Variants in SLC30A2 observed in about 807,000 individuals in gnomAD.
The protein encoded by SLC30A2 is solute carrier family 30 member 2, also known as proton-coupled zinc antiporter SLC30A2.
Under a neutral mutation model 39.6 loss-of-function variants are expected in SLC30A2, and 19 were observed. That is an observed-to-expected ratio of 0.48 (90% CI 0.34 to 0.70). The LOEUF (loss-of-function observed/expected upper bound fraction) is 0.70. SLC30A2 is among the 30% of genes least tolerant of loss of function. SLC30A2 has a pLI of 0.01. For missense variants in SLC30A2, 387 were observed against 479.4 expected (o/e 0.81, Z 1.80); for synonymous variants, 195 against 194.8 (o/e 1.00, Z -0.01).
rs2050358590 is a variant in SLC30A2 at position 26,038,090 on chromosome 1, G to C, written c.*1070C>G. 6.6e-6 allele frequency: 1 copy of C among 152,266 alleles called. No individual in the cohort carries two copies. Among genetic ancestry groups the C allele is most frequent in the Non-Finnish European group, 1.5e-5 (1 of 68,064 alleles). The allele number at this position is 152,266 out of a possible 1,614,324, so 9.4% of individuals were successfully genotyped here. On this transcript the variant is annotated 3_prime_UTR_variant, in exon 8 of 8. Transcript: ENST00000374276. ...ATCAACCCTGTCGGTGTACAGATGA[G>C]ACTGTGGGGCAGAGGCCAGCTCGCC...
At chr1:26,040,504 C>G (rs1404878352) in intron 6 of SLC30A2, among the ~76,000 whole-genome samples, 1 of 152,140 alleles carries the variant, frequency 6.6e-6, no homozygotes, top group African/African-American at 2.4e-5. Flanking sequence ...CTGCCTCGGC[C>G]TCCCACAGTG....
At chr1:26,040,622 C>T (rs982722830) in intron 6 of SLC30A2, among the ~76,000 whole-genome samples, 3 of 152,166 alleles carry the variant, frequency 2.0e-5, no homozygotes, top group Admixed American at 6.5e-5. Context: ...AGGGCACGAT[C>T]ATCATCTTCA....
At position 26,045,219 on chromosome 1, in the gene SLC30A2, T is replaced by C; in HGVS notation, c.51-2A>G. 1.2e-6 allele frequency: 2 copies of C among 1,607,200 alleles called. No homozygotes were observed. The highest frequency in any genetic ancestry group is 1.3e-5 in the African/African-American group (1 of 74,910). On this transcript the variant is annotated splice_acceptor_variant, in intron 1 of 7. Coordinates refer to ENST00000374276, the MANE Select transcript of SLC30A2 (RefSeq NM_001004434.3). LOFTEE classifies it high-confidence loss of function. ...TGCCACAGAGATCCCGTGTATGACC[T>C]GGCCAGAGGGGAAGAGAGGGAACGC...
At position 26,043,471 on chromosome 1, in the gene SLC30A2, T is replaced by G. The variant is rs1311616723; in HGVS notation, c.499A>C (p.Ile167Leu). The stretch of plus-strand genomic sequence containing the variant: ...CCGTCAATTTCATAGTCCCCAGAGA[T>G]CAGCCGCTCCACAGCCAGGTACACC... Reference protein sequence around the residue: ...VLVYLAVERLISGDYEIDGGT... With the variant: ...VLVYLAVERLLSGDYEIDGGT... The change falls in exon 4 of 8, where the codon ATC becomes CTC. Residue 167 changes from isoleucine to leucine, a missense_variant. Ile to Leu is a conservative substitution (Grantham distance 5, BLOSUM62 2). Transcript: ENST00000374276. 2.4e-5 allele frequency: 39 copies of G among 1,613,864 alleles called. No individual in the cohort carries two copies. The highest frequency in any genetic ancestry group is 3.2e-5 in the Non-Finnish European group (38 of 1,180,014).
chr1:26,045,407 C>T (rs769968142), intron 1 of SLC30A2, 190 bp from the exon 2 acceptor site: 145 of 615,698 alleles, frequency 2.4e-4, no homozygotes, highest in Non-Finnish European at 3.7e-4. Context: ...TCCTGGGGCC[C>T]GGGGCCCTTC....
Position 26,039,025 on chromosome 1 carries a change from G to A in SLC30A2, c.*135C>T. On this transcript the variant is annotated 3_prime_UTR_variant, in exon 8 of 8. Coordinates refer to ENST00000374276, the MANE Select transcript of SLC30A2 (RefSeq NM_001004434.3). The surrounding 1 kb of genome is among the most constrained non-coding windows in gnomAD (Gnocchi z 4.3). Reference sequence around the variant, plus strand: ...GGCTGGGAAGAGCTCCATTCCTGGAGTGGGGCAGAGGTCAGGAGGGGGACC... The same window carrying A: ...GGCTGGGAAGAGCTCCATTCCTGGAATGGGGCAGAGGTCAGGAGGGGGACC... 5 of 1,435,578 alleles carry A rather than the reference G, an allele frequency of 3.5e-6. No homozygotes were observed. The highest frequency in any genetic ancestry group is 4.6e-6 in the Non-Finnish European group (5 of 1,092,086). The allele number at this position is 1,435,578 out of a possible 1,614,324, so 88.9% of individuals were successfully genotyped here.
chr1:26,042,050 A>G (rs771700321), intron 5 of SLC30A2, among the ~76,000 whole-genome samples: 40 of 152,218 alleles, frequency 2.6e-4, no homozygotes, highest in Non-Finnish European at 5.7e-4. Flanking sequence ...TGAGACATGG[A>G]CAGAGCAAAA....
intron 3 of SLC30A2, 102 bp downstream of exon 3, chr1:26,044,196 C>T (rs1414744598): frequency 9.5e-6 from 12 of 1,262,660 alleles, no homozygotes; most frequent in Middle Eastern, 1.9e-4. Flanking sequence ...TGGCCTCACT[C>T]AGGGGAGGAA....
At position 26,039,678 on chromosome 1, in the gene SLC30A2, G is replaced by C. The variant is rs906453290; in HGVS notation, c.973+99C>G. The stretch of plus-strand genomic sequence containing the variant: ...AGCATGAGGCTGGGCTTGATGCATG[G>C]GCACTGTGAGCATCTGGGGTCACCT... On this transcript the variant is annotated intron_variant, in intron 7 of 7. Coordinates refer to ENST00000374276, the MANE Select transcript of SLC30A2 (RefSeq NM_001004434.3). The surrounding 1 kb of genome is among the most constrained non-coding windows in gnomAD (Gnocchi z 4.3). 17 of 1,226,882 alleles carry C rather than the reference G, an allele frequency of 1.4e-5. No homozygotes were observed. Among genetic ancestry groups the C allele is most frequent in the Non-Finnish European group, 1.8e-5 (16 of 869,738 alleles). 76.0% of individuals were successfully genotyped at this position (1,226,882 alleles called of 1,614,324 possible). A position where few individuals can be genotyped will look rare whatever the true frequency, so the allele number is the denominator to read the frequency against.
chr1:26,041,815 G>A lies in SLC30A2; in HGVS notation c.733-10C>T, dbSNP rs780951720. 2 of 1,551,574 alleles carry A rather than the reference G, an allele frequency of 1.3e-6. No homozygotes were observed. Among genetic ancestry groups the A allele is most frequent in the Non-Finnish European group, 1.8e-6 (2 of 1,123,590 alleles). ...CATACTTGTATTCTGGCTGCAGGAAGACAGGAAGGCAGACCTGGAGTTCAC... is the reference window on the plus strand; with the variant it reads ...CATACTTGTATTCTGGCTGCAGGAAAACAGGAAGGCAGACCTGGAGTTCAC... On this transcript the variant is annotated splice_polypyrimidine_tract_variant and intron_variant, in intron 5 of 7. Transcript: ENST00000374276.
chr1:26,038,907 C>A lies in SLC30A2; in HGVS notation c.*253G>T. Reference sequence around the variant, plus strand: ...ATTTGCTGAGGATTAGGCCCAAATACAGCCCTTCCAGAGCTGGCCCAGGAG... The same window carrying A: ...ATTTGCTGAGGATTAGGCCCAAATAAAGCCCTTCCAGAGCTGGCCCAGGAG... On this transcript the variant is annotated 3_prime_UTR_variant, in exon 8 of 8. Transcript: ENST00000374276. 9.8e-7 allele frequency: 1 copy of A among 1,015,320 alleles called. No individual in the cohort carries two copies. The highest frequency in any genetic ancestry group is 2.9e-5 in the South Asian group (1 of 34,302). The allele number at this position is 1,015,320 out of a possible 1,614,324, so 62.9% of individuals were successfully genotyped here.
At chr1:26,040,233 A>G (rs2050381338) in intron 6 of SLC30A2, among the ~76,000 whole-genome samples, 1 of 152,096 alleles carries the variant, frequency 6.6e-6, no homozygotes, top group Admixed American at 6.5e-5. Flanking sequence ...ACTCCATAGT[A>G]GGTGCTCAAT....
Position 26,045,139 on chromosome 1 carries a change from A to G in SLC30A2, c.129T>C (p.Ile43=), listed in dbSNP as rs749326263. The change falls in exon 2 of 8, where the codon ATT becomes ATC. Residue 43 remains isoleucine (I), a synonymous_variant. Transcript: ENST00000374276. The stretch of plus-strand genomic sequence containing the variant: ...GATGGTTGCTCTGGGCAGCCAGCTC[A>G]ATGGCCTGCAAGTCCAGGCCAGGTC... ...LPRPGLDLQA[I]ELAAQSNHHC... is the part of the protein sequence containing the mutation. 3.0e-5 allele frequency: 49 copies of G among 1,613,860 alleles called. No homozygotes were observed. In the Admixed American group the frequency reaches 7.2e-4, roughly 24 times the overall value.
rs886732872 is a variant in SLC30A2, at chr1:26,045,594, A to G, written c.50+253T>C. 3 of 662,028 alleles carry G rather than the reference A, an allele frequency of 4.5e-6. No homozygotes were observed. The Admixed American group carries it at 8.7e-5, about 19-fold the overall frequency. The allele number at this position is 662,028 out of a possible 1,614,324, so 41.0% of individuals were successfully genotyped here. ...GGGGCAAAGTGCTGGGCGGGGCGGG[A>G]CTCCAGGCATGGGAACCGCCAATCC... On this transcript the variant is annotated intron_variant, in intron 1 of 7. Coordinates refer to ENST00000374276, the MANE Select transcript of SLC30A2 (RefSeq NM_001004434.3).
At position 26,041,686 on chromosome 1, in the gene SLC30A2, A is replaced by T; in HGVS notation, c.838+14T>A. ...GAGCCAAGAGCAAAAAGGGAGCCACAAAGCCCAGGTTACCTTCCATCAACA... is the reference window on the plus strand; with the variant it reads ...GAGCCAAGAGCAAAAAGGGAGCCACTAAGCCCAGGTTACCTTCCATCAACA... On this transcript the variant is annotated intron_variant, in intron 6 of 7. Transcript: ENST00000374276. 1 of 1,544,542 alleles carries T rather than the reference A, an allele frequency of 6.5e-7. No individual in the cohort carries two copies. Among genetic ancestry groups the T allele is most frequent in the Non-Finnish European group, 9.0e-7 (1 of 1,116,876 alleles).
rs1239988029 is a variant in SLC30A2, at chr1:26,039,182, G to GC, written c.1096dup (p.Ala366GlyfsTer27). Reference sequence around the variant, plus strand: ...CAGTCAGTCTGAGGGGCCCTGGCATGCCTGACAGTCCTTCATGTCCTCCGA... The same window carrying GC: ...CAGTCAGTCTGAGGGGCCCTGGCATGCCCTGACAGTCCTTCATGTCCTCCGA... On this transcript the variant is annotated frameshift_variant, in exon 8 of 8. Coordinates refer to ENST00000374276, the MANE Select transcript of SLC30A2 (RefSeq NM_001004434.3). LOFTEE classifies it high-confidence loss of function. The surrounding 1 kb of genome is among the most constrained non-coding windows in gnomAD (Gnocchi z 4.3). The GC allele has an allele frequency of 1.2e-6, 2 of 1,613,956 alleles. No homozygotes were observed. Among genetic ancestry groups the GC allele is most frequent in the Non-Finnish European group, 1.7e-6 (2 of 1,179,924 alleles).
chr1:26,039,389 C>A lies in SLC30A2; in HGVS notation c.974-84G>T. 9.8e-7 allele frequency: 1 copy of A among 1,020,506 alleles called. No individual in the cohort carries two copies. The highest frequency in any genetic ancestry group is 1.5e-5 in the South Asian group (1 of 68,218). 63.2% of individuals were successfully genotyped at this position (1,020,506 alleles called of 1,614,324 possible). A position where few individuals can be genotyped will look rare whatever the true frequency, so the allele number is the denominator to read the frequency against. Reference sequence around the variant, plus strand: ...AGGAGCCCAAATCTCATACCCCATCCCCAGCAGAACAGGATGGGGGACCAT... The same window carrying A: ...AGGAGCCCAAATCTCATACCCCATCACCAGCAGAACAGGATGGGGGACCAT... On this transcript the variant is annotated intron_variant, in intron 7 of 7. Coordinates refer to ENST00000374276, the MANE Select transcript of SLC30A2 (RefSeq NM_001004434.3). This position sits in a 1 kb window ranked among gnomAD's most constrained non-coding sequence, Gnocchi z 4.3.
chr1:26,042,589 C>A lies in SLC30A2; in HGVS notation c.692G>T (p.Ser231Ile). The A allele has an allele frequency of 6.2e-7, 1 of 1,614,172 alleles. No homozygotes were observed. The highest frequency in any genetic ancestry group is 8.5e-7 in the Non-Finnish European group (1 of 1,180,008). ...ATAGGCTGCCACTAGGACACCCATG[C>A]TCTGCATAAAGTCGCCGATCACATG... ...FIHVIGDFMQ[S>I]MGVLVAAYIL... The change falls in exon 5 of 8, where the codon AGC becomes ATC. Residue 231 changes from serine to isoleucine, a missense_variant. Transcript: ENST00000374276.
chr1:26,041,598 C>A, intron 6 of SLC30A2, 102 bp downstream of exon 6: 1 of 726,460 alleles, frequency 1.4e-6, no homozygotes, highest in South Asian at 1.7e-5. Flanking sequence ...ATCCTGGCTC[C>A]CCGCCCATGT....
Sources: allele counts gnomAD v4.1 joint callset (sites outside exome capture counted in the v4.1 genomes callset), GRCh38; gene constraint gnomAD v4.1.1; non-coding constraint Gnocchi (gnomAD v3.1); transcripts MANE v1.5; gene names NCBI Gene and HGNC (gene_info 2026-07-23, HGNC 2026-07-21).